Variants in P2RY2 observed in about 807,000 individuals in gnomAD.
P2RY2 encodes the protein purinergic receptor P2Y2, also known as P2Y purinoceptor 2.
For synonymous variants in P2RY2, 241 were observed against 231.9 expected, an observed-to-expected ratio of 1.04 and a Z score of -0.35; for missense variants, 567 against 515.7, an observed-to-expected ratio of 1.10 and a Z score of -0.96.
chr11:73,226,560 C>A (rs529388968), intron 1 of P2RY2, among the ~76,000 whole-genome samples: 1 of 152,156 alleles, frequency 6.6e-6, no homozygotes, highest in East Asian at 1.9e-4. Flanking sequence ...TCCCACATCC[C>A]CCCAGCCTTG....
At position 73,236,459 on chromosome 11, in the gene P2RY2, G is replaced by T. The variant is rs1862655428; in HGVS notation, c.*1166G>T. On this transcript the variant is annotated 3_prime_UTR_variant, in exon 3 of 3. Transcript: ENST00000393597. ...GCTGTGAGCCAGGGGGTCAGGGAAG[G>T]GTTCCTGGAGTGGGAGACTCCTGAG... 17 of 770,586 alleles carry T rather than the reference G, an allele frequency of 2.2e-5. No individual in the cohort carries two copies. The highest frequency in any genetic ancestry group is 2.5e-5 in the Non-Finnish European group (16 of 631,420). 47.7% of individuals were successfully genotyped at this position (770,586 alleles called of 1,614,324 possible).
chr11:73,226,560 C>T (rs529388968), intron 1 of P2RY2, among the ~76,000 whole-genome samples: 8 of 152,274 alleles, frequency 5.3e-5, no homozygotes, highest in Admixed American at 4.6e-4. Context: ...TCCCACATCC[C>T]CCCAGCCTTG....
intron 1 of P2RY2, among the ~76,000 whole-genome samples, chr11:73,219,665 T>C (rs2135626747): frequency 6.6e-6 from 1 of 152,342 alleles, no homozygotes; most frequent in South Asian, 2.1e-4. Flanking sequence ...ACTTAAGGTA[T>C]TTGATAACTG....
In P2RY2 at chr11:73,236,114, C is replaced by T; in HGVS notation, c.*821C>T. 2 of 999,636 alleles carry T rather than the reference C, an allele frequency of 2.0e-6. No individual in the cohort carries two copies. The allele number at this position is 999,636 out of a possible 1,614,324, so 61.9% of individuals were successfully genotyped here. ...CCCCAGGTCATCCCCCACTGTAAAG[C>T]CAGTTGGCTTCTGTGCCTGACTCTG... On this transcript the variant is annotated 3_prime_UTR_variant, in exon 3 of 3. Coordinates refer to ENST00000393597, the MANE Select transcript of P2RY2 (RefSeq NM_002564.4).
At chr11:73,221,326 A>G (rs1341566171) in intron 1 of P2RY2, among the ~76,000 whole-genome samples, 1 of 152,198 alleles carries the variant, frequency 6.6e-6, no homozygotes, top group East Asian at 1.9e-4. Context: ...AAATAGAGGC[A>G]TGGATTGTAT....
rs201697252 is a variant in P2RY2 at position 73,231,392 on chromosome 11, C to CAA, written c.-4-2747_-4-2746dup. Reference sequence around the variant, plus strand: ...AAAACCCCATCTCTACTAAAAAATACAAAAAAAAAAAAAAAAAAGCTAGGT... The same window carrying CAA: ...AAAACCCCATCTCTACTAAAAAATACAAAAAAAAAAAAAAAAAAAAGCTAGGT... On this transcript the variant is annotated intron_variant, in intron 2 of 2. Coordinates refer to ENST00000393597, the MANE Select transcript of P2RY2 (RefSeq NM_002564.4). 1.1e-3 allele frequency among the ~76,000 whole-genome samples: 117 copies of CAA among 110,506 alleles called. 2 individuals are homozygous for CAA. The highest frequency in any genetic ancestry group is 4.8e-3 in the African/African-American group (111 of 23,018). 72.5% of individuals were successfully genotyped at this position (110,506 alleles called of 152,430 possible). A position where few individuals can be genotyped will look rare whatever the true frequency, so the allele number is the denominator to read the frequency against.
intron 1 of P2RY2, among the ~76,000 whole-genome samples, chr11:73,219,929 G>A (rs1329542786): frequency 1.3e-5 from 2 of 152,188 alleles, no homozygotes; most frequent in Non-Finnish European, 1.5e-5. Context: ...TACAGGCCTG[G>A]GGCTGACAGC....
chr11:73,221,585 T>C (rs1203479245), intron 1 of P2RY2, among the ~76,000 whole-genome samples: 1 of 152,200 alleles, frequency 6.6e-6, no homozygotes, highest in Non-Finnish European at 1.5e-5. Context: ...GTTGATCTGG[T>C]GAGGGGAGTG....
chr11:73,235,947 T>G lies in P2RY2; in HGVS notation c.*654T>G. ...TGTTGCCTGCTGAGCTGTGCCCTAT[T>G]GTGTGGTCGGGGGATGAGGATATGG... On this transcript the variant is annotated 3_prime_UTR_variant, in exon 3 of 3. Transcript: ENST00000393597. 2.0e-6 allele frequency: 2 copies of G among 1,000,338 alleles called. No homozygotes were observed. Among genetic ancestry groups the G allele is most frequent in the Non-Finnish European group, 2.4e-6 (2 of 830,046 alleles). The allele number at this position is 1,000,338 out of a possible 1,614,324, so 62.0% of individuals were successfully genotyped here.
rs1487112613 is a variant in P2RY2 at position 73,235,582 on chromosome 11, G to A, written c.*289G>A. 8.8e-7 allele frequency: 1 copy of A among 1,139,524 alleles called. No individual in the cohort carries two copies. Among genetic ancestry groups the A allele is most frequent in the African/African-American group, 1.6e-5 (1 of 61,878 alleles). 70.6% of individuals were successfully genotyped at this position (1,139,524 alleles called of 1,614,324 possible). On this transcript the variant is annotated 3_prime_UTR_variant, in exon 3 of 3. Coordinates refer to ENST00000393597, the MANE Select transcript of P2RY2 (RefSeq NM_002564.4). ...TGGCCTGACTCCCATGCAAGTAGCT[G>A]GCTGTACTGCCAAGGTACCTAGGTT...
At chr11:73,233,731 TG>T (rs1862528807) in intron 2 of P2RY2, among the ~76,000 whole-genome samples, 1 of 152,256 alleles carries the variant, frequency 6.6e-6, no homozygotes, top group Non-Finnish European at 1.5e-5. Context: ...ACCTGGTTTC[TG>T]CCTTGGCCTC....
At chr11:73,219,920 A>G (rs1862071364) in intron 1 of P2RY2, among the ~76,000 whole-genome samples, 1 of 152,170 alleles carries the variant, frequency 6.6e-6, no homozygotes, top group Non-Finnish European at 1.5e-5. Flanking sequence ...CTAGGCCCCT[A>G]CAGGCCTGGG....
rs116638443 is a variant in P2RY2, at chr11:73,228,836, C to T, written c.-5+661C>T. ...AAGTAACTTGATCAAGGTTACACCA[C>T]GGGGGATGGGCTGCAATTCCTATTC... On this transcript the variant is annotated intron_variant, in intron 2 of 2. Transcript: ENST00000393597. Among the ~76,000 whole-genome samples the T allele has an allele frequency of 9.4e-3, 1,428 of 152,274 alleles. 16 individuals are homozygous for T. The highest frequency in any genetic ancestry group is 0.033 in the African/African-American group (1,365 of 41,548).
chr11:73,226,354 C>G (rs1041086275), intron 1 of P2RY2, among the ~76,000 whole-genome samples: 4 of 152,128 alleles, frequency 2.6e-5, no homozygotes, highest in Admixed American at 1.3e-4. Context: ...CTGGGTGCAG[C>G]AGGGTGAAAA....
At chr11:73,232,801 T>G (rs910930751) in intron 2 of P2RY2, among the ~76,000 whole-genome samples, 3 of 152,196 alleles carry the variant, frequency 2.0e-5, no homozygotes, top group Non-Finnish European at 1.5e-5. Flanking sequence ...AGTGCTTTTT[T>G]GTGTTTTTCT....
intron 1 of P2RY2, among the ~76,000 whole-genome samples, chr11:73,223,869 G>A (rs2510883): frequency 0.89 from 135,045 of 152,196 alleles, 61,173 homozygotes; most frequent in East Asian, 1. Context: ...GACAATAATT[G>A]GAACACTAGA....
chr11:73,220,679 C>T (rs1227361060), intron 1 of P2RY2, among the ~76,000 whole-genome samples: 1 of 152,214 alleles, frequency 6.6e-6, no homozygotes, highest in East Asian at 1.9e-4. Context: ...AGGCTTGTCG[C>T]TCTTTCTCCT....
At chr11:73,221,759 T>A (rs557885935) in intron 1 of P2RY2, among the ~76,000 whole-genome samples, 124 of 152,300 alleles carry the variant, frequency 8.1e-4, no homozygotes, top group African/African-American at 2.9e-3. Flanking sequence ...GCTGGCTGTG[T>A]GGGCCACTCT....
intron 1 of P2RY2, among the ~76,000 whole-genome samples, chr11:73,223,325 G>C (rs1318701049): frequency 6.6e-6 from 1 of 152,054 alleles, no homozygotes; most frequent in East Asian, 1.9e-4. Flanking sequence ...TCTTATCACA[G>C]TTCCCCTTCC....
Sources: allele counts gnomAD v4.1 joint callset (sites outside exome capture counted in the v4.1 genomes callset), GRCh38; gene constraint gnomAD v4.1.1; transcripts MANE v1.5; gene names NCBI Gene and HGNC (gene_info 2026-07-23, HGNC 2026-07-21).